WWOX: variants seen among roughly 807,000 people sequenced by gnomAD.
WWOX encodes WW domain-containing oxidoreductase.
A neutral mutation model predicts 46.2 loss-of-function variants in WWOX; 69 were observed. That is an observed-to-expected ratio of 1.49 (90% CI 1.23 to 1.82). WWOX has a LOEUF of 1.82. WWOX is among the 40% of genes most tolerant of loss of function. The pLI is 0.00. For synonymous variants in WWOX, 359 were observed against 202.6 expected, an observed-to-expected ratio of 1.77 and a Z score of -6.56; for missense variants, 919 against 542.6, an observed-to-expected ratio of 1.69 and a Z score of -6.89.
At chr16:78,429,185 T>C (rs1404507186) in intron 7 of WWOX, among the ~76,000 whole-genome samples, 1 of 152,194 alleles carries the variant, frequency 6.6e-6, no homozygotes, top group African/African-American at 2.4e-5. Context: ...AGGTGATCAA[T>C]TGACTTACAG....
intron 5 of WWOX, among the ~76,000 whole-genome samples, chr16:78,326,090 C>T (rs928468440): frequency 7.9e-5 from 12 of 152,162 alleles, no homozygotes; most frequent in African/African-American, 2.9e-4. Flanking sequence ...TGCCTCTAAA[C>T]TCTTGAGCTC....
At chr16:78,671,791 A>G (rs773662338) in intron 8 of WWOX, among the ~76,000 whole-genome samples, 17 of 152,218 alleles carry the variant, frequency 1.1e-4, no homozygotes, top group Non-Finnish European at 2.2e-4. Context: ...TCAGTATTCA[A>G]TTTGCCTTGC....
At chr16:78,841,554 T>C (rs539253005) in intron 8 of WWOX, among the ~76,000 whole-genome samples, 5 of 152,368 alleles carry the variant, frequency 3.3e-5, no homozygotes, top group African/African-American at 1.2e-4. Context: ...GGTTTACCAA[T>C]ATGATGTCTG....
rs1032796131 is a variant in WWOX at position 79,122,393 on chromosome 16, T to C, written c.1057-89215T>C. Among the ~76,000 whole-genome samples, 32 of 152,276 alleles carry C rather than the reference T, an allele frequency of 2.1e-4. 1 individual carries two copies. The highest frequency in any genetic ancestry group is 3.4e-3 in the Middle Eastern group (1 of 294). ...AAAGCCGCACAAAATCCTCCAATAT[T>C]AAGAACGGAGAAAAGGAGTGTGGAA... On this transcript the variant is annotated intron_variant, in intron 8 of 8. Transcript: ENST00000566780.
At chr16:78,757,411 C>G (rs55911111) in intron 8 of WWOX, among the ~76,000 whole-genome samples, 1 of 152,108 alleles carries the variant, frequency 6.6e-6, no homozygotes, top group African/African-American at 2.4e-5. Flanking sequence ...AGGACACTGT[C>G]TGTTGCTTCT....
chr16:78,599,354 A>C (rs2045567808), intron 8 of WWOX, among the ~76,000 whole-genome samples: 1 of 152,172 alleles, frequency 6.6e-6, no homozygotes, highest in Non-Finnish European at 1.5e-5. Context: ...CTTGGGCTTG[A>C]GACTCTGCAA....
chr16:78,690,284 C>G (rs1385217954), intron 8 of WWOX, among the ~76,000 whole-genome samples: 1 of 152,154 alleles, frequency 6.6e-6, no homozygotes, highest in Non-Finnish European at 1.5e-5. Context: ...GGCGTGGTGG[C>G]TCATGCCTGT....
At chr16:78,133,972 C>A (rs556532662) in intron 4 of WWOX, among the ~76,000 whole-genome samples, 1 of 152,192 alleles carries the variant, frequency 6.6e-6, no homozygotes, top group Non-Finnish European at 1.5e-5. Flanking sequence ...TTTTGTGCCT[C>A]TTGCACAGGT....
intron 5 of WWOX, among the ~76,000 whole-genome samples, chr16:78,253,345 C>T (rs1218759882): frequency 6.6e-6 from 1 of 152,096 alleles, no homozygotes; most frequent in East Asian, 1.9e-4. Flanking sequence ...CTTATTTTAC[C>T]AGTCCATGCA....
intron 3 of WWOX, among the ~76,000 whole-genome samples, chr16:78,112,879 T>G (rs1000027591): frequency 6.6e-6 from 1 of 151,566 alleles, no homozygotes; most frequent in Admixed American, 6.6e-5. Context: ...TTTAAAGACT[T>G]TTTTTTTGTA....
chr16:78,239,534 T>C (rs933970903), intron 5 of WWOX, among the ~76,000 whole-genome samples: 18 of 152,258 alleles, frequency 1.2e-4, no homozygotes, highest in African/African-American at 4.1e-4. Flanking sequence ...TTGGTTCTTC[T>C]AGCTTTTTTT....
At chr16:78,145,125 G>C (rs1483615918) in intron 4 of WWOX, among the ~76,000 whole-genome samples, 2 of 152,154 alleles carry the variant, frequency 1.3e-5, no homozygotes, top group Admixed American at 6.5e-5. Flanking sequence ...TGTTGGCAGG[G>C]TTGGTTCCTT....
chr16:78,834,871 A>C (rs879441820), intron 8 of WWOX, among the ~76,000 whole-genome samples: 4 of 152,176 alleles, frequency 2.6e-5, no homozygotes, highest in Admixed American at 1.3e-4. Flanking sequence ...TGACATTATT[A>C]TGATAATGAC....
chr16:78,570,699 G>T (rs2044694564), intron 8 of WWOX, among the ~76,000 whole-genome samples: 1 of 152,134 alleles, frequency 6.6e-6, no homozygotes, highest in Non-Finnish European at 1.5e-5. Context: ...AGACAAGCCA[G>T]GTTTACAGAG....
chr16:78,807,934 G>A (rs939653397), intron 8 of WWOX, among the ~76,000 whole-genome samples: 1 of 152,218 alleles, frequency 6.6e-6, no homozygotes, highest in African/African-American at 2.4e-5. Context: ...GTTACAGAAC[G>A]TTTTCATTTC....
intron 8 of WWOX, among the ~76,000 whole-genome samples, chr16:78,841,756 T>G (rs1345563105): frequency 1.3e-5 from 2 of 152,250 alleles, no homozygotes; most frequent in African/African-American, 4.8e-5. Context: ...GTGTACTATT[T>G]TATTGTCAAT....
intron 4 of WWOX, among the ~76,000 whole-genome samples, chr16:78,162,520 A>T (rs1035388660): frequency 6.6e-6 from 1 of 152,044 alleles, no homozygotes; most frequent in African/African-American, 2.4e-5. Flanking sequence ...GCTTGCACAT[A>T]TATATATACA....
intron 8 of WWOX, chr16:79,204,677 G>A (rs1281908142): frequency 6.6e-6 from 1 of 152,262 alleles, no homozygotes; most frequent in African/African-American, 2.4e-5. Context: ...AGGTCACCCT[G>A]CCCTTCAATC....
At chr16:78,750,175 C>T (rs2049442518) in intron 8 of WWOX, among the ~76,000 whole-genome samples, 1 of 152,204 alleles carries the variant, frequency 6.6e-6, no homozygotes, top group African/African-American at 2.4e-5. Flanking sequence ...GGTGTTTGTA[C>T]AGTTCAGCTG....
Sources: gnomAD v4.1 joint callset for allele counts (sites outside exome capture counted in the v4.1 genomes callset) on GRCh38, gnomAD v4.1.1 for gene constraint, MANE v1.5 for transcripts, NCBI Gene and HGNC (gene_info 2026-07-23, HGNC 2026-07-21) for gene names.